Variants in CTNND2 observed in about 807,000 individuals in gnomAD.
CTNND2 encodes catenin delta 2, also known as catenin delta-2.
A neutral mutation model predicts 144.4 loss-of-function variants in CTNND2; 22 were observed. The observed-to-expected ratio is 0.15, with a 90% CI of 0.11 to 0.22. The LOEUF is 0.22. Among genes scored for constraint, CTNND2 ranks in the 10% least tolerant of loss-of-function variants. CTNND2 has a pLI of 1.00. For missense variants in CTNND2, 1,353 were observed against 1,618.8 expected, an observed-to-expected ratio of 0.84 and a Z score of 2.82; for synonymous variants, 751 against 695.6, an observed-to-expected ratio of 1.08 and a Z score of -1.25.
At chr5:11,714,522 G>A (rs982392684) in intron 2 of CTNND2, among the ~76,000 whole-genome samples, 1 of 152,116 alleles carries the variant, frequency 6.6e-6, no homozygotes, top group Non-Finnish European at 1.5e-5. Context: ...ACATTTAATA[G>A]TCTGTGACCC....
At chr5:10,999,025 A>G (rs963279388) in intron 18 of CTNND2, among the ~76,000 whole-genome samples, 1 of 152,202 alleles carries the variant, frequency 6.6e-6, no homozygotes, top group African/African-American at 2.4e-5. Context: ...CAGCTGGCCC[A>G]TGGCATAGAT....
intron 1 of CTNND2, among the ~76,000 whole-genome samples, chr5:11,762,933 T>C (rs1789356411): frequency 6.6e-6 from 1 of 152,214 alleles, no homozygotes; most frequent in African/African-American, 2.4e-5. Flanking sequence ...AATATTACTG[T>C]TTGGCTCTGT....
chr5:11,413,872 G>A (rs1469110966), intron 3 of CTNND2, among the ~76,000 whole-genome samples: 1 of 152,154 alleles, frequency 6.6e-6, no homozygotes, highest in Non-Finnish European at 1.5e-5. Context: ...TACACAGATA[G>A]AAAACACTTC....
intron 2 of CTNND2, among the ~76,000 whole-genome samples, chr5:11,681,646 C>T (rs1184097588): frequency 6.6e-6 from 1 of 152,178 alleles, no homozygotes; most frequent in Non-Finnish European, 1.5e-5. Context: ...TATATGCCAA[C>T]AATTTTTATA....
intron 2 of CTNND2, among the ~76,000 whole-genome samples, chr5:11,601,644 A>G (rs1161948837): frequency 6.6e-6 from 1 of 152,152 alleles, no homozygotes; most frequent in Admixed American, 6.6e-5. Context: ...AATAATACAT[A>G]AATATATCTG....
At chr5:11,614,367 C>T (rs942803734) in intron 2 of CTNND2, among the ~76,000 whole-genome samples, 1 of 152,142 alleles carries the variant, frequency 6.6e-6, no homozygotes, top group African/African-American at 2.4e-5. Context: ...CTTTTCCCAC[C>T]TGATGTATTA....
At chr5:10,981,074 G>T (rs1032445914) in intron 21 of CTNND2, among the ~76,000 whole-genome samples, 6 of 152,004 alleles carry the variant, frequency 3.9e-5, no homozygotes, top group African/African-American at 1.4e-4. Flanking sequence ...ATAATAAAAA[G>T]AATCTACTGT....
intron 18 of CTNND2, among the ~76,000 whole-genome samples, chr5:11,013,284 C>T (rs1034493574): frequency 3.3e-5 from 5 of 152,176 alleles, no homozygotes; most frequent in Admixed American, 6.5e-5. Context: ...ACAAGTTTAC[C>T]TGTTTCTTTG....
At chr5:11,887,054 G>A (rs1582068818) in intron 1 of CTNND2, among the ~76,000 whole-genome samples, 2 of 140,734 alleles carry the variant, frequency 1.4e-5, no homozygotes, top group South Asian at 4.5e-4. Flanking sequence ...CGCGATCTCG[G>A]CTCACTGCAA....
intron 3 of CTNND2, among the ~76,000 whole-genome samples, chr5:11,483,654 G>T (rs1243394863): frequency 6.6e-6 from 1 of 152,166 alleles, no homozygotes; most frequent in Admixed American, 6.5e-5. Context: ...CTGCAGTCTT[G>T]TAAGCTCCTC....
In CTNND2 at chr5:11,159,630, C is replaced by T. The variant is rs764657493; in HGVS notation, c.2105G>A (p.Arg702Gln). Residue 702 changes from arginine (R) to glutamine (Q), a missense_variant, in exon 12 of 22, where the codon CGG becomes CAG. Arg to Gln is a conservative substitution (Grantham distance 43). Transcript: ENST00000304623. Reference protein sequence around the residue: ...GWENSPLQDDRKIQLHSSQVL... With the variant: ...GWENSPLQDDQKIQLHSSQVL... ...CTGTGATGAATGCAGCTGTATTTTCCGATCATCCTGAAGAGGCGAATTTTC... is the reference window on the plus strand; with the variant it reads ...CTGTGATGAATGCAGCTGTATTTTCTGATCATCCTGAAGAGGCGAATTTTC... 1.8e-5 allele frequency: 29 copies of T among 1,613,404 alleles called. No individual in the cohort carries two copies. The highest frequency in any genetic ancestry group is 1.4e-4 in the South Asian group (13 of 90,910).
chr5:11,262,441 A>G (rs1348303747), intron 9 of CTNND2, among the ~76,000 whole-genome samples: 1 of 152,168 alleles, frequency 6.6e-6, no homozygotes, highest in East Asian at 1.9e-4. Flanking sequence ...TTCATGAATC[A>G]TTAATAAAAG....
At chr5:11,588,161 G>C (rs1778997868) in intron 2 of CTNND2, among the ~76,000 whole-genome samples, 1 of 152,004 alleles carries the variant, frequency 6.6e-6, no homozygotes, top group South Asian at 2.1e-4. Flanking sequence ...AATAATCTCT[G>C]CCAAAAAGAG....
chr5:11,537,459 A>G (rs1561528948), intron 3 of CTNND2, among the ~76,000 whole-genome samples: 1 of 152,214 alleles, frequency 6.6e-6, no homozygotes, highest in South Asian at 2.1e-4. Context: ...GGGGTTGAAT[A>G]GAATTTATAT....
intron 9 of CTNND2, among the ~76,000 whole-genome samples, chr5:11,325,406 C>T (rs1450922548): frequency 6.6e-6 from 1 of 151,918 alleles, no homozygotes; most frequent in East Asian, 1.9e-4. Flanking sequence ...CTGATCAAGA[C>T]ATATATAATT....
intron 10 of CTNND2, among the ~76,000 whole-genome samples, chr5:11,226,362 G>C (rs1021476566): frequency 1.3e-5 from 2 of 152,138 alleles, no homozygotes; most frequent in Non-Finnish European, 2.9e-5. Flanking sequence ...CCGCTTTACT[G>C]TGTTGTATTT....
intron 9 of CTNND2, among the ~76,000 whole-genome samples, chr5:11,309,330 C>T (rs1054519373): frequency 2.0e-5 from 3 of 152,230 alleles, no homozygotes; most frequent in Non-Finnish European, 2.9e-5. Context: ...AGGGGCAGAG[C>T]TCCCCAAGGC....
intron 7 of CTNND2, among the ~76,000 whole-genome samples, chr5:11,368,917 A>T (rs1757214339): frequency 6.6e-6 from 1 of 152,198 alleles, no homozygotes; most frequent in Non-Finnish European, 1.5e-5. Flanking sequence ...GCAATTGATA[A>T]AGCCACATCA....
At chr5:11,323,242 G>A (rs550763725) in intron 9 of CTNND2, among the ~76,000 whole-genome samples, 2,410 of 137,214 alleles carry the variant, frequency 0.018, 95 homozygotes, top group African/African-American at 0.06. Context: ...GGGGGGGGGG[G>A]TCTCACTATA....
Sources: gnomAD v4.1 joint callset for allele counts (sites outside exome capture counted in the v4.1 genomes callset) on GRCh38, gnomAD v4.1.1 for gene constraint, MANE v1.5 for transcripts, NCBI Gene and HGNC (gene_info 2026-07-23, HGNC 2026-07-21) for gene names.